POLA1: variants seen among roughly 807,000 people sequenced by gnomAD.
POLA1 encodes DNA polymerase alpha catalytic subunit.
In POLA1, 15 loss-of-function variants were observed where a neutral mutation model predicts 124.0. The ratio of observed to expected loss-of-function variants is 0.12; its 90% CI spans 0.08 to 0.19. The LOEUF (loss-of-function observed/expected upper bound fraction) is 0.19, where lower values mean the gene tolerates loss of function less well. POLA1 is among the 10% of genes least tolerant of loss of function. The pLI, the probability that POLA1 is intolerant of heterozygous loss-of-function variation, is 1.00. For synonymous variants in POLA1, 408 were observed against 389.4 expected (o/e 1.05, Z -0.56); for missense variants, 886 against 1,103.4 (o/e 0.80, Z 2.79).
intron 21 of POLA1, 33 bp from the exon 22 acceptor site, chrX:24,741,969 G>A: frequency 1.7e-6 from 2 of 1,156,600 alleles, no homozygotes; most frequent in African/African-American, 3.6e-5. Flanking sequence ...GTGGTTTTGA[G>A]CTCAAATTTA....
At chrX:24,905,554 C>G (rs1219027051) in intron 35 of POLA1, among the ~76,000 whole-genome samples, 1 of 26,993 alleles carries the variant, frequency 3.7e-5, no homozygotes, top group Non-Finnish European at 9.8e-5. Flanking sequence ...AATGGTGAAC[C>G]CCCCCCCCCT....
intron 28 of POLA1, 136 bp from the exon 29 acceptor site, chrX:24,812,522 C>T: frequency 2.3e-6 from 1 of 439,673 alleles, no homozygotes; most frequent in Non-Finnish European, 3.9e-6. Flanking sequence ...TATCATGTTA[C>T]ATACAAGCCA....
intron 20 of POLA1, among the ~76,000 whole-genome samples, chrX:24,741,164 T>C (rs1483241108): frequency 2.7e-5 from 3 of 109,324 alleles, no homozygotes; most frequent in African/African-American, 1.0e-4. Flanking sequence ...TGTGTGTGTG[T>C]GTGTGTTTTG....
Position 24,968,481 on chromosome X carries a change from CA to C in POLA1, c.4262-27322del, listed in dbSNP as rs2048253941. On this transcript the variant is annotated intron_variant, in intron 36 of 36. Coordinates refer to ENST00000379068, the MANE Select transcript of POLA1 (RefSeq NM_001330360.2). ...TTGGGAGGCCAAGGCGGGCGGATCA[CA>C]AGGTCAGGAGATTGAGACCATCCTG... Among the ~76,000 whole-genome samples the C allele has an allele frequency of 2.7e-5, 3 of 111,343 alleles. No homozygotes were observed. In the South Asian group the frequency reaches 1.1e-3, roughly 42 times the overall value.
chrX:24,935,291 A>T (rs1364074412), intron 36 of POLA1, among the ~76,000 whole-genome samples: 2 of 112,726 alleles, frequency 1.8e-5, no homozygotes, highest in Non-Finnish European at 3.8e-5. Context: ...CTGATGATCT[A>T]CTTGAATTTC....
intron 32 of POLA1, among the ~76,000 whole-genome samples, chrX:24,829,493 C>G (rs956344612): frequency 9.0e-6 from 1 of 111,708 alleles, no homozygotes; most frequent in African/African-American, 3.3e-5. Flanking sequence ...TCCTTTCCTT[C>G]TGCCCCCTTC....
chrX:24,810,845 ATTCTGT>A (rs766936624), intron 28 of POLA1, 45 bp downstream of exon 28: 2 of 638,128 alleles, frequency 3.1e-6, no homozygotes, highest in Non-Finnish European at 5.1e-6. Context: ...ATTTTTGTGA[ATTCTGT>A]TTCTAACATG....
intron 15 of POLA1, among the ~76,000 whole-genome samples, chrX:24,730,521 C>T (rs991658714): frequency 8.9e-6 from 1 of 112,392 alleles, no homozygotes; most frequent in Non-Finnish European, 1.9e-5. Context: ...GCTGGGATTA[C>T]AGGCGTGAGC....
chrX:24,848,618 CA>C (rs1380070122), intron 34 of POLA1, among the ~76,000 whole-genome samples: 4 of 112,199 alleles, frequency 3.6e-5, no homozygotes, highest in Non-Finnish European at 7.5e-5. Flanking sequence ...TGCCTTTTAT[CA>C]AAAGTGCAAT....
At chrX:24,854,969 C>G (rs1259192369) in intron 34 of POLA1, among the ~76,000 whole-genome samples, 1 of 111,601 alleles carries the variant, frequency 9.0e-6, no homozygotes, top group African/African-American at 3.3e-5. Flanking sequence ...AGTATATGAT[C>G]TGAGCAATTG....
intron 34 of POLA1, among the ~76,000 whole-genome samples, chrX:24,844,555 G>C (rs1365818132): frequency 4.6e-5 from 5 of 109,878 alleles, no homozygotes; most frequent in African/African-American, 1.7e-4. Context: ...ACTCGTATTA[G>C]TTAACATATA....
chrX:24,843,711 A>G, intron 34 of POLA1, 34 bp downstream of exon 34: 1 of 1,022,231 alleles, frequency 9.8e-7, no homozygotes, highest in Non-Finnish European at 1.3e-6. Flanking sequence ...TACATACACA[A>G]CTTATTGAGG....
intron 36 of POLA1, among the ~76,000 whole-genome samples, chrX:24,945,790 C>G (rs780990205): frequency 4.5e-5 from 5 of 110,469 alleles, no homozygotes; most frequent in Admixed American, 9.8e-5. Flanking sequence ...GAAAGGGAGA[C>G]TGGGTGGCAT....
chrX:24,955,663 A>G, intron 36 of POLA1, among the ~76,000 whole-genome samples: 1 of 112,098 alleles, frequency 8.9e-6, no homozygotes, highest in East Asian at 2.8e-4. Flanking sequence ...GGGTTAGTAC[A>G]GTGCTCACGG....
At chrX:24,732,478 C>T (rs779204275) in intron 16 of POLA1, 24 bp downstream of exon 16, 1 of 886,554 alleles carries the variant, frequency 1.1e-6, no homozygotes, top group South Asian at 2.1e-5. Flanking sequence ...TTTAAGCTGG[C>T]TTACTAACAG....
At chrX:24,971,731 A>G (rs920225731) in intron 36 of POLA1, among the ~76,000 whole-genome samples, 4 of 111,513 alleles carry the variant, frequency 3.6e-5, no homozygotes, top group Admixed American at 9.5e-5. Context: ...TATATTTACT[A>G]ACCATGGAAG....
At chrX:24,744,691 G>A (rs1931890200) in intron 23 of POLA1, 2 of 286,869 alleles carry the variant, frequency 7.0e-6, no homozygotes, top group African/African-American at 3.0e-5. Flanking sequence ...GGTGGCTCAC[G>A]CCTGTAATTT....
At chrX:24,769,081 T>C (rs933065905) in intron 26 of POLA1, among the ~76,000 whole-genome samples, 44 of 112,041 alleles carry the variant, frequency 3.9e-4, no homozygotes, top group African/African-American at 1.4e-3. Context: ...CAACTAATTT[T>C]GTATTGTAGA....
intron 10 of POLA1, among the ~76,000 whole-genome samples, chrX:24,721,294 T>A (rs1165539974): frequency 8.9e-6 from 1 of 112,457 alleles, no homozygotes; most frequent in Non-Finnish European, 1.9e-5. Flanking sequence ...AGCTCTTTAG[T>A]GGTAGAAGCT....
Sources: allele counts gnomAD v4.1 joint callset (sites outside exome capture counted in the v4.1 genomes callset), GRCh38; gene constraint gnomAD v4.1.1; transcripts MANE v1.5; gene names NCBI Gene and HGNC (gene_info 2026-07-23, HGNC 2026-07-21).